COL7A1: variants seen among roughly 807,000 people sequenced by gnomAD.
The protein encoded by COL7A1 is collagen alpha-1(VII) chain.
COL7A1 carries 296 observed loss-of-function variants against 456.2 expected under a neutral mutation model. The observed-to-expected ratio is 0.65, with a 90% CI of 0.59 to 0.71. COL7A1 has a LOEUF of 0.71. Ranked by LOEUF, COL7A1 falls within the 30% of genes least tolerant of loss-of-function variation. The pLI is 0.00. For missense variants in COL7A1, 3,441 were observed against 4,017.2 expected, an observed-to-expected ratio of 0.86 and a Z score of 3.88; for synonymous variants, 1,464 against 1,525.9, an observed-to-expected ratio of 0.96 and a Z score of 0.95.
Position 48,570,839 on chromosome 3 carries a change from C to T in COL7A1, c.7272+22G>A, listed in dbSNP as rs2043870254. ...CCACCATGGATTCACCATGCCCCTA[C>T]ATGCTGTTCCCAGCCCCTCACCCGC... On this transcript the variant is annotated intron_variant, in intron 95 of 118. Transcript: ENST00000681320. The surrounding 1 kb of genome is among the most constrained non-coding windows in gnomAD (Gnocchi z 5.5). The T allele has an allele frequency of 6.3e-7, 1 of 1,596,676 alleles. No homozygotes were observed. The highest frequency in any genetic ancestry group is 8.5e-7 in the Non-Finnish European group (1 of 1,171,816).
chr3:48,581,915 T>C lies in COL7A1; in HGVS notation c.4664A>G (p.Glu1555Gly). ...CTTGCCCCATACCAGGCTTACCTTT[T>C]CTCCTTTGGGTCCAGCAACAGCAGG... Reference protein sequence around the residue: ...VGPAVAGPKGEKGDVGPAGPR... With the variant: ...VGPAVAGPKGGKGDVGPAGPR... Residue 1555 changes from glutamate (E) to glycine (G), a missense_variant, in exon 48 of 119, where the codon GAA (glutamate) becomes GGA (glycine). By Grantham distance (98) the Glu-to-Gly change is moderately conservative. Coordinates refer to ENST00000681320, the MANE Select transcript of COL7A1 (RefSeq NM_000094.4). This position sits in a 1 kb window ranked among gnomAD's most constrained non-coding sequence, Gnocchi z 5.8. 6.2e-7 allele frequency: 1 copy of C among 1,613,952 alleles called. No homozygotes were observed.
At position 48,591,475 on chromosome 3, in the gene COL7A1, C is replaced by T. The variant is rs143991798; in HGVS notation, c.1625G>A (p.Arg542His). The change falls in exon 13 of 119, where the codon CGC becomes CAC. Residue 542 changes from arginine (R) to histidine (H), a missense_variant. By Grantham distance (29) the Arg-to-His change is conservative (BLOSUM62 0). This residue lies in a region of COL7A1 where 913 missense variants were observed against 1,088.2 expected (regional missense o/e 0.84). Transcript: ENST00000681320. The surrounding 1 kb of genome is among the most constrained non-coding windows in gnomAD (Gnocchi z 7.0). ...PGATQYRIIV[R>H]STQGVERTLV... ...TGCGTCCACCTCACCCTGGGTGCTG[C>T]GCACAATGATGCGGTACTGGGTGGC... 42 of 1,613,704 alleles carry T rather than the reference C, an allele frequency of 2.6e-5. No homozygotes were observed. In the Middle Eastern group the frequency reaches 5.0e-4, roughly 19 times the overall value.
chr3:48,587,859 G>T lies in COL7A1; in HGVS notation c.2791C>A (p.Arg931Ser), dbSNP rs143979792. ...GGCCCTAGGACACTCAGCCTCACGC[G>T]GTACTGTGTCGCTGGCTCCAGCCCG... ...LDGLEPATQY[R>S]VRLSVLGPAG... Residue 931 changes from arginine to serine, a missense_variant, in exon 22 of 119, where the codon CGC (arginine) becomes AGC (serine). Physicochemically the swap from Arg to Ser is moderately radical, Grantham distance 110. Coordinates refer to ENST00000681320, the MANE Select transcript of COL7A1 (RefSeq NM_000094.4). This position sits in a 1 kb window ranked among gnomAD's most constrained non-coding sequence, Gnocchi z 6.1. 25 of 1,612,936 alleles carry T rather than the reference G, an allele frequency of 1.5e-5. No individual in the cohort carries two copies. The African/African-American group carries it at 3.1e-4, about 20-fold the overall frequency.
In COL7A1 at chr3:48,589,307, G is replaced by A; in HGVS notation, c.2314+20C>T. 1 of 1,611,668 alleles carries A rather than the reference G, an allele frequency of 6.2e-7. No homozygotes were observed. Among genetic ancestry groups the A allele is most frequent in the African/African-American group, 1.3e-5 (1 of 74,940 alleles). ...GGTAGCTAATGCGGTGTGGCTAGTA[G>A]CTGGCCAGGGTCCACTCACCAGTCC... On this transcript the variant is annotated intron_variant, in intron 18 of 118. Transcript: ENST00000681320.
Position 48,587,992 on chromosome 3 carries a change from G to C in COL7A1, c.2711-53C>G, listed in dbSNP as rs1461992835. The C allele has an allele frequency of 6.5e-6, 10 of 1,541,676 alleles. No individual in the cohort carries two copies. Among genetic ancestry groups the C allele is most frequent in the Non-Finnish European group, 8.8e-6 (10 of 1,140,422 alleles). On this transcript the variant is annotated intron_variant, in intron 21 of 118. Transcript: ENST00000681320. This position sits in a 1 kb window ranked among gnomAD's most constrained non-coding sequence, Gnocchi z 6.1. ...AGAGCATGTGGGATAGTGACACCTG[G>C]GGGCATTAAAGGGCCTGCCCACTTC... is the stretch of plus-strand genomic sequence containing the variant.
Position 48,585,001 on chromosome 3 carries a change from C to T in COL7A1, c.3975+35G>A, listed in dbSNP as rs749365655. On this transcript the variant is annotated intron_variant, in intron 33 of 118. Coordinates refer to ENST00000681320, the MANE Select transcript of COL7A1 (RefSeq NM_000094.4). The surrounding 1 kb of genome is among the most constrained non-coding windows in gnomAD (Gnocchi z 4.5). ...GGAGCCACCCCACCCACTCAGGCAG[C>T]GCCCACCCTGACCTGCAGGACAAGG... The T allele has an allele frequency of 6.8e-6, 11 of 1,613,630 alleles. No individual in the cohort carries two copies. Among genetic ancestry groups the T allele is most frequent in the Middle Eastern group, 1.7e-4 (1 of 6,050 alleles).
Position 48,588,532 on chromosome 3 carries a change from C to A in COL7A1, c.2587+110G>T, listed in dbSNP as rs929859675. 1.2e-6 allele frequency: 2 copies of A among 1,606,546 alleles called. No homozygotes were observed. The highest frequency in any genetic ancestry group is 1.7e-6 in the Non-Finnish European group (2 of 1,177,416). On this transcript the variant is annotated intron_variant, in intron 20 of 118. Transcript: ENST00000681320. The surrounding 1 kb of genome is among the most constrained non-coding windows in gnomAD (Gnocchi z 4.6). ...CTCTCCCTCCTCTCAGACCCTGCCC[C>A]CAAAGGCTCACTACCAATCCTGGTC...
chr3:48,588,943 G>A lies in COL7A1; in HGVS notation c.2367C>T (p.Ser789=), dbSNP rs139521707. The A allele has an allele frequency of 2.6e-3, 4,150 of 1,613,606 alleles. 12 individuals carry two copies. Among genetic ancestry groups the A allele is most frequent in the Non-Finnish European group, 3.1e-3 (3,707 of 1,180,034 alleles). The change falls in exon 19 of 119, where the codon AGC becomes AGT. Residue 789 remains serine, a synonymous_variant. Transcript: ENST00000681320. The surrounding 1 kb of genome is among the most constrained non-coding windows in gnomAD (Gnocchi z 4.6). ...VSRLQILNAS[S]DVLRITWVGV... ...CTACCCAGGTGATCCGTAGAACGTC[G>A]CTGGAAGCATTGAGGATCTGCAGCC...
chr3:48,582,040 A>G, intron 47 of COL7A1, 97 bp from the exon 48 acceptor site: 2 of 1,549,138 alleles, frequency 1.3e-6, no homozygotes, highest in South Asian at 1.1e-5. Context: ...TGGAAGTCAT[A>G]CAGCTCAGTC....
Position 48,593,020 on chromosome 3 carries a change from A to G in COL7A1, c.682+82T>C. The G allele has an allele frequency of 6.2e-7, 1 of 1,612,914 alleles. No homozygotes were observed. Among genetic ancestry groups the G allele is most frequent in the Non-Finnish European group, 8.5e-7 (1 of 1,179,432 alleles). On this transcript the variant is annotated intron_variant, in intron 6 of 118. Transcript: ENST00000681320. This position sits in a 1 kb window ranked among gnomAD's most constrained non-coding sequence, Gnocchi z 4.4. ...CAGAGTTGGGGTCGGGGTCAGGAGC[A>G]CATAGGATGGAATCAGCACTGCCAA... is the stretch of plus-strand genomic sequence containing the variant.
rs1177894057 is a variant in COL7A1 at position 48,571,246 on chromosome 3, G to A, written c.7101C>T (p.Phe2367=). The change falls in exon 93 of 119, where the codon TTC becomes TTT. Residue 2367 remains phenylalanine, a synonymous_variant. Coordinates refer to ENST00000681320, the MANE Select transcript of COL7A1 (RefSeq NM_000094.4). This position sits in a 1 kb window ranked among gnomAD's most constrained non-coding sequence, Gnocchi z 4.6. ...GQKGAPGPKG[F]KGDPGVGVPG... Reference sequence around the variant, plus strand: ...GGACCCTTCTGGGTACACATACCTTGAAACCTTTGGGTCCTGGAGCCCCTT... The same window carrying A: ...GGACCCTTCTGGGTACACATACCTTAAAACCTTTGGGTCCTGGAGCCCCTT... The A allele has an allele frequency of 1.2e-6, 2 of 1,614,014 alleles. No homozygotes were observed. The highest frequency in any genetic ancestry group is 1.7e-6 in the Non-Finnish European group (2 of 1,180,030).
rs1414965255 is a variant in COL7A1, at chr3:48,590,937, G to C, written c.1637-121C>G. ...CATGGGGGTGGGGATGTGGGGTGGT[G>C]GGGACCAGAGAGCTGGGATATGGCT... On this transcript the variant is annotated intron_variant, in intron 13 of 118. Transcript: ENST00000681320. The surrounding 1 kb of genome is among the most constrained non-coding windows in gnomAD (Gnocchi z 4.6). 8.7e-6 allele frequency: 9 copies of C among 1,029,964 alleles called. No homozygotes were observed. Among genetic ancestry groups the C allele is most frequent in the Middle Eastern group, 2.5e-4 (1 of 3,950 alleles). 63.8% of individuals were successfully genotyped at this position (1,029,964 alleles called of 1,614,324 possible).
In COL7A1 at chr3:48,574,096, CACACAGGCACACACAG is replaced by C. The variant is rs1389775879; in HGVS notation, c.6501+150_6501+165del. On this transcript the variant is annotated intron_variant, in intron 80 of 118. Transcript: ENST00000681320. This position sits in a 1 kb window ranked among gnomAD's most constrained non-coding sequence, Gnocchi z 5.0. ...ATACAACCACACACAGACACAGGCA[CACACAGGCACACACAG>C]ACACAGGCACACACAAGCAGGCACA... Among the ~76,000 whole-genome samples, 1 of 151,796 alleles carries C rather than the reference CACACAGGCACACACAG, an allele frequency of 6.6e-6. No individual in the cohort carries two copies. The highest frequency in any genetic ancestry group is 1.5e-5 in the Non-Finnish European group (1 of 67,968).
rs2043998068 is a variant in COL7A1 at position 48,572,497 on chromosome 3, A to C, written c.6936+6T>G. On this transcript the variant is annotated splice_donor_region_variant and intron_variant, in intron 89 of 118. Coordinates refer to ENST00000681320, the MANE Select transcript of COL7A1 (RefSeq NM_000094.4). The surrounding 1 kb of genome is among the most constrained non-coding windows in gnomAD (Gnocchi z 4.6). The stretch of plus-strand genomic sequence containing the variant: ...CCCCCTCACTGGCAGCCCCACACAC[A>C]CTCACCTTCTCTCCCTTTGCTCCAG... The C allele has an allele frequency of 6.2e-7, 1 of 1,606,528 alleles. No individual in the cohort carries two copies. The highest frequency in any genetic ancestry group is 1.7e-5 in the Admixed American group (1 of 59,380).
At position 48,583,223 on chromosome 3, in the gene COL7A1, G is replaced by A. The variant is rs1359587889; in HGVS notation, c.4438-52C>T. The A allele has an allele frequency of 6.2e-7, 1 of 1,609,602 alleles. No homozygotes were observed. ...AGAGAGAGAGAGGGTTGGTGGCGGG[G>A]CTTGAACGTCAAACCCCAGACAAGG... is the stretch of plus-strand genomic sequence containing the variant. On this transcript the variant is annotated intron_variant, in intron 42 of 118. Coordinates refer to ENST00000681320, the MANE Select transcript of COL7A1 (RefSeq NM_000094.4). The surrounding 1 kb of genome is among the most constrained non-coding windows in gnomAD (Gnocchi z 5.1).
rs903570067 is a variant in COL7A1, at chr3:48,570,328, G to A, written c.7387C>T (p.Pro2463Ser). The A allele has an allele frequency of 6.2e-7, 1 of 1,614,038 alleles. No homozygotes were observed. Among genetic ancestry groups the A allele is most frequent in the Non-Finnish European group, 8.5e-7 (1 of 1,179,974 alleles). The part of the protein sequence containing the change: ...ASGLKGDKGD[P>S]GVGLPGPRGE... The stretch of plus-strand genomic sequence containing the variant: ...CGGGGCCCAGGCAGCCCTACTCCAG[G>A]GTCTCCCTGGAGACCAACAGGACAC... Residue 2463 changes from proline (P) to serine (S), a missense_variant, in exon 98 of 119, where the codon CCT (proline) becomes TCT (serine). Physicochemically the swap from Pro to Ser is moderately conservative, Grantham distance 74. This residue lies in a region of COL7A1 where 2,084 missense variants were observed against 2,501.3 expected (regional missense o/e 0.83). Transcript: ENST00000681320. The surrounding 1 kb of genome is among the most constrained non-coding windows in gnomAD (Gnocchi z 5.5).
Position 48,584,395 on chromosome 3 carries a change from A to G in COL7A1, c.4120-20T>C, listed in dbSNP as rs1057521500. The G allele has an allele frequency of 1.2e-6, 2 of 1,613,666 alleles. No homozygotes were observed. Among genetic ancestry groups the G allele is most frequent in the Non-Finnish European group, 1.7e-6 (2 of 1,179,768 alleles). On this transcript the variant is annotated intron_variant, in intron 36 of 118. Transcript: ENST00000681320. ...GGGGCCCTGATGGAGGAGACAAAGT[A>G]TAAGGTGCAACCCCACAGACCTCAC...
Position 48,592,754 on chromosome 3 carries a change from C to T in COL7A1, c.846+21G>A, listed in dbSNP as rs2045797407. The T allele has an allele frequency of 6.2e-7, 1 of 1,613,470 alleles. No homozygotes were observed. The highest frequency in any genetic ancestry group is 8.5e-7 in the Non-Finnish European group (1 of 1,180,044). ...GCCCAGCCAAGTCCCCAGCCACCAC[C>T]TATCACTCCTGACATCCTACCTCCT... is the stretch of plus-strand genomic sequence containing the variant. On this transcript the variant is annotated intron_variant, in intron 7 of 118. Coordinates refer to ENST00000681320, the MANE Select transcript of COL7A1 (RefSeq NM_000094.4). This position sits in a 1 kb window ranked among gnomAD's most constrained non-coding sequence, Gnocchi z 7.6.
At position 48,576,444 on chromosome 3, in the gene COL7A1, A is replaced by G; in HGVS notation, c.5737-9T>C. 2 of 1,613,576 alleles carry G rather than the reference A, an allele frequency of 1.2e-6. No homozygotes were observed. Among genetic ancestry groups the G allele is most frequent in the Non-Finnish European group, 1.7e-6 (2 of 1,179,898 alleles). ...GTCTCCCCACGGTCACCCTGAAAAC[A>G]AGAATGACCAGGTGGGGAAATGGCC... On this transcript the variant is annotated splice_polypyrimidine_tract_variant and intron_variant, in intron 69 of 118. Coordinates refer to ENST00000681320, the MANE Select transcript of COL7A1 (RefSeq NM_000094.4).
Sources: gnomAD v4.1 joint callset for allele counts (sites outside exome capture counted in the v4.1 genomes callset) on GRCh38, gnomAD v4.1.1 for gene constraint, gnomAD v4.1.1 regional missense constraint, Gnocchi (gnomAD v3.1) non-coding constraint, MANE v1.5 for transcripts, NCBI Gene and HGNC (gene_info 2026-07-23, HGNC 2026-07-21) for gene names.